Variants in CLSTN2 observed in about 807,000 individuals in gnomAD.
CLSTN2 encodes calsyntenin 2, also known as calsyntenin-2.
Under a neutral mutation model 101.2 loss-of-function variants are expected in CLSTN2, and 48 were observed. The ratio of observed to expected loss-of-function variants is 0.47; its 90% CI spans 0.38 to 0.60. The LOEUF is 0.60. CLSTN2 is among the 20% of genes least tolerant of loss of function. CLSTN2 has a pLI of 0.00. For synonymous variants in CLSTN2, 481 were observed against 463.6 expected (o/e 1.04, Z -0.48); for missense variants, 1,160 against 1,238.2 (o/e 0.94, Z 0.95).
At chr3:140,051,293 G>A (rs1360505072) in intron 1 of CLSTN2, among the ~76,000 whole-genome samples, 1 of 152,244 alleles carries the variant, frequency 6.6e-6, no homozygotes, top group East Asian at 1.9e-4. Flanking sequence ...GCACAAGTTT[G>A]CAGACCTTCA....
intron 7 of CLSTN2, among the ~76,000 whole-genome samples, chr3:140,461,636 C>T (rs1933565275): frequency 6.6e-6 from 1 of 152,086 alleles, no homozygotes; most frequent in African/African-American, 2.4e-5. Flanking sequence ...ACCAGTGGTC[C>T]TCATTAGAAT....
intron 1 of CLSTN2, among the ~76,000 whole-genome samples, chr3:139,942,194 CA>C (rs1935143165): frequency 6.6e-6 from 1 of 152,194 alleles, no homozygotes; most frequent in Admixed American, 6.5e-5. Context: ...GATTTTACTT[CA>C]AAATTGCTGA....
chr3:140,469,096 T>C (rs541237998), intron 8 of CLSTN2, among the ~76,000 whole-genome samples: 2 of 152,344 alleles, frequency 1.3e-5, no homozygotes, highest in South Asian at 4.1e-4. Context: ...TTTCTTCTTA[T>C]GAGGAACCAG....
In CLSTN2 at chr3:140,394,772, T is replaced by C. The variant is rs552314759; in HGVS notation, c.233-8857T>C. Among the ~76,000 whole-genome samples the C allele has an allele frequency of 3.8e-4, 58 of 152,368 alleles. 1 individual carries two copies. Among genetic ancestry groups the C allele is most frequent in the African/African-American group, 1.3e-3 (55 of 41,590 alleles). On this transcript the variant is annotated intron_variant, in intron 2 of 16. Coordinates refer to ENST00000458420, the MANE Select transcript of CLSTN2 (RefSeq NM_022131.3). The stretch of plus-strand genomic sequence containing the variant: ...TTCCCCTAAATAAGTGCCTGACCCA[T>C]AGTAAACACTGAATAAGTATGAACT...
In CLSTN2 at chr3:140,002,589, C is replaced by T. The variant is rs115178905; in HGVS notation, c.109+67106C>T. Among the ~76,000 whole-genome samples, 217 of 152,202 alleles carry T rather than the reference C, an allele frequency of 1.4e-3. 1 individual carries two copies. Among genetic ancestry groups the T allele is most frequent in the African/African-American group, 5.0e-3 (206 of 41,546 alleles). ...ATGTGATCTCATTGCTTCATTTTTGCTTTGGTTGCCTGTGCTTGCGGGGTA... is the reference window on the plus strand; with the variant it reads ...ATGTGATCTCATTGCTTCATTTTTGTTTTGGTTGCCTGTGCTTGCGGGGTA... On this transcript the variant is annotated intron_variant, in intron 1 of 16. Coordinates refer to ENST00000458420, the MANE Select transcript of CLSTN2 (RefSeq NM_022131.3).
intron 12 of CLSTN2, 63 bp downstream of exon 12, chr3:140,558,920 A>C: frequency 7.7e-7 from 1 of 1,301,878 alleles, no homozygotes. Flanking sequence ...ATGTGAAAAC[A>C]TACTTCAGAA....
At chr3:140,116,194 T>C (rs2009239999) in intron 1 of CLSTN2, among the ~76,000 whole-genome samples, 2 of 152,322 alleles carry the variant, frequency 1.3e-5, no homozygotes, top group South Asian at 4.2e-4. Flanking sequence ...CCTGGTCTAT[T>C]ATTGACTTAG....
chr3:140,370,660 G>A (rs1034827535), intron 2 of CLSTN2, among the ~76,000 whole-genome samples: 1 of 152,158 alleles, frequency 6.6e-6, no homozygotes, highest in South Asian at 2.1e-4. Flanking sequence ...ACCCTAGGCA[G>A]TCTGGATTAG....
At chr3:140,276,253 G>A (rs1048846525) in intron 2 of CLSTN2, among the ~76,000 whole-genome samples, 6 of 152,196 alleles carry the variant, frequency 3.9e-5, no homozygotes, top group African/African-American at 1.2e-4. Context: ...CCCATTCACA[G>A]GTAACTGAGA....
At chr3:140,505,200 T>C (rs1004983911) in intron 8 of CLSTN2, among the ~76,000 whole-genome samples, 1 of 152,092 alleles carries the variant, frequency 6.6e-6, no homozygotes, top group Non-Finnish European at 1.5e-5. Flanking sequence ...GGTCCAGATG[T>C]GGCTGGAATG....
intron 2 of CLSTN2, among the ~76,000 whole-genome samples, chr3:140,292,569 C>G (rs1169177802): frequency 6.6e-6 from 1 of 152,150 alleles, no homozygotes. Context: ...TCTAGTTACC[C>G]CAGCACTTCA....
chr3:140,519,164 T>C (rs1934978225), intron 8 of CLSTN2, among the ~76,000 whole-genome samples: 1 of 152,238 alleles, frequency 6.6e-6, no homozygotes, highest in South Asian at 2.1e-4. Flanking sequence ...TATCTTGTGT[T>C]CTAATTTAAT....
intron 2 of CLSTN2, among the ~76,000 whole-genome samples, chr3:140,198,204 G>T (rs1299626396): frequency 2.0e-5 from 3 of 152,154 alleles, no homozygotes; most frequent in Non-Finnish European, 4.4e-5. Context: ...TAATTAAGTT[G>T]CCCATTCTGA....
At chr3:140,390,362 T>C (rs566389414) in intron 2 of CLSTN2, among the ~76,000 whole-genome samples, 15 of 152,322 alleles carry the variant, frequency 9.8e-5, no homozygotes, top group Admixed American at 9.8e-4. Flanking sequence ...TTTCCTCTGA[T>C]CCATGATTCT....
intron 2 of CLSTN2, among the ~76,000 whole-genome samples, chr3:140,372,024 T>C: frequency 6.6e-6 from 1 of 152,122 alleles, no homozygotes; most frequent in East Asian, 1.9e-4. Context: ...TTCAAGGACC[T>C]AAGATGAAAG....
At chr3:140,495,199 T>C (rs1934439642) in intron 8 of CLSTN2, among the ~76,000 whole-genome samples, 1 of 152,244 alleles carries the variant, frequency 6.6e-6, no homozygotes, top group Non-Finnish European at 1.5e-5. Context: ...TTGACTTGCA[T>C]TTCTCTAATG....
chr3:140,146,543 G>GT (rs1172597142), intron 1 of CLSTN2, among the ~76,000 whole-genome samples: 1 of 152,188 alleles, frequency 6.6e-6, no homozygotes, highest in Non-Finnish European at 1.5e-5. Flanking sequence ...AATAAAGCAG[G>GT]TAGGTAATTC....
chr3:140,036,555 A>ATC (rs79420653), intron 1 of CLSTN2, among the ~76,000 whole-genome samples: 17,890 of 152,100 alleles, frequency 0.12, 1,322 homozygotes, highest in East Asian at 0.2. Context: ...AAAGCCCAAA[A>ATC]TGTGCACAAC....
At chr3:140,243,503 A>G (rs2086488992) in intron 2 of CLSTN2, among the ~76,000 whole-genome samples, 2 of 152,216 alleles carry the variant, frequency 1.3e-5, no homozygotes, top group South Asian at 4.1e-4. Flanking sequence ...GGGAGGGCCC[A>G]TGCTTGTGCA....
Sources: allele counts gnomAD v4.1 joint callset (sites outside exome capture counted in the v4.1 genomes callset), GRCh38; gene constraint gnomAD v4.1.1; transcripts MANE v1.5; gene names NCBI Gene and HGNC (gene_info 2026-07-23, HGNC 2026-07-21).